ADGRL2: variants seen among roughly 807,000 people sequenced by gnomAD.
The protein encoded by ADGRL2 is calcium-independent alpha-latrotoxin receptor 2.
ADGRL2 carries 44 observed loss-of-function variants against 157.4 expected under a neutral mutation model. The ratio of observed to expected loss-of-function variants is 0.28; its 90% confidence interval spans 0.22 to 0.36. The LOEUF is 0.36. ADGRL2 is among the 10% of genes least tolerant of loss of function. ADGRL2 has a pLI of 1.00. For synonymous variants in ADGRL2, 585 were observed against 624.7 expected, an observed-to-expected ratio of 0.94 and a Z score of 0.95; for missense variants, 1,510 against 1,768.9, an observed-to-expected ratio of 0.85 and a Z score of 2.63.
intron 1 of ADGRL2, among the ~76,000 whole-genome samples, chr1:81,425,408 A>AT (rs886969571): frequency 2.7e-5 from 3 of 111,244 alleles, no homozygotes; most frequent in Admixed American, 9.0e-5. Flanking sequence ...ATTAGAACCA[A>AT]TTAAAAAAAA....
At chr1:81,540,901 G>A (rs1301625363) in intron 2 of ADGRL2, among the ~76,000 whole-genome samples, 1 of 151,856 alleles carries the variant, frequency 6.6e-6, no homozygotes, top group Non-Finnish European at 1.5e-5. Context: ...GAGACAAAGG[G>A]GTGGTAATAA....
intron 1 of ADGRL2, among the ~76,000 whole-genome samples, chr1:81,829,581 A>T (rs2091787338): frequency 6.6e-6 from 1 of 152,182 alleles, no homozygotes; most frequent in Non-Finnish European, 1.5e-5. Context: ...GGTTATTATA[A>T]TATTCCTGTC....
intron 2 of ADGRL2, among the ~76,000 whole-genome samples, chr1:81,787,303 A>C (rs1201886333): frequency 6.6e-6 from 1 of 152,190 alleles, no homozygotes; most frequent in African/African-American, 2.4e-5. Context: ...TATGAAAATA[A>C]TCAAAATCAT....
intron 2 of ADGRL2, among the ~76,000 whole-genome samples, chr1:81,779,245 T>C (rs1571190498): frequency 1.3e-5 from 2 of 152,032 alleles, no homozygotes; most frequent in South Asian, 4.1e-4. Flanking sequence ...CAATCAGTGA[T>C]GGGAAGAATG....
intron 2 of ADGRL2, among the ~76,000 whole-genome samples, chr1:81,897,140 C>T (rs1311814200): frequency 6.6e-6 from 1 of 152,160 alleles, no homozygotes; most frequent in Non-Finnish European, 1.5e-5. Flanking sequence ...GTTCTCCTTT[C>T]CCTGTTTTCA....
intron 2 of ADGRL2, among the ~76,000 whole-genome samples, chr1:81,448,694 C>G (rs1455967551): frequency 6.6e-6 from 1 of 151,800 alleles, no homozygotes; most frequent in East Asian, 1.9e-4. Flanking sequence ...ATTAAAAAAA[C>G]AAAAACAGAC....
intron 4 of ADGRL2, among the ~76,000 whole-genome samples, chr1:81,941,360 A>G (rs1647931068): frequency 6.6e-6 from 1 of 151,516 alleles, no homozygotes; most frequent in South Asian, 2.1e-4. Flanking sequence ...GGGGATATTG[A>G]TATATTCCTA....
rs2092319011 is a variant in ADGRL2, at chr1:81,837,037, G to T, written c.53G>T (p.Ser18Ile). ...AGTCTGTGGTTTATCATTGTAATCA[G>T]CTTCTTACCAAATACAGAAGGTAAG... is the stretch of plus-strand genomic sequence containing the variant. ...MRSLWFIIVI[S>I]FLPNTEGFSR... Residue 18 changes from serine to isoleucine, a missense_variant, in exon 2 of 24, where the codon AGC (serine) becomes ATC (isoleucine). Ser to Ile is a moderately radical substitution (Grantham distance 142). Transcript: ENST00000686636. 1 of 1,589,000 alleles carries T rather than the reference G, an allele frequency of 6.3e-7. No individual in the cohort carries two copies. Among genetic ancestry groups the T allele is most frequent in the African/African-American group, 1.4e-5 (1 of 73,278 alleles).
intron 2 of ADGRL2, among the ~76,000 whole-genome samples, chr1:81,492,607 T>G (rs765448127): frequency 6.6e-6 from 1 of 152,202 alleles, no homozygotes; most frequent in Non-Finnish European, 1.5e-5. Context: ...ATCATCACTG[T>G]GCAATATTTA....
intron 2 of ADGRL2, among the ~76,000 whole-genome samples, chr1:81,890,169 C>G (rs1198638641): frequency 1.3e-5 from 2 of 152,102 alleles, no homozygotes; most frequent in Non-Finnish European, 2.9e-5. Flanking sequence ...AAGGAGGGAG[C>G]TCTTGATCCC....
chr1:81,324,501 C>T (rs956484699), intron 1 of ADGRL2, among the ~76,000 whole-genome samples: 19 of 148,094 alleles, frequency 1.3e-4, no homozygotes, highest in Non-Finnish European at 2.4e-4. Context: ...AGAATGAGAC[C>T]CTGTCTCAAA....
chr1:81,492,371 A>G (rs1373703664), intron 2 of ADGRL2, among the ~76,000 whole-genome samples: 1 of 152,234 alleles, frequency 6.6e-6, no homozygotes, highest in Non-Finnish European at 1.5e-5. Flanking sequence ...AATTCTGCTT[A>G]CTTTTTAAAT....
At chr1:81,611,266 G>A (rs1170507479) in intron 3 of ADGRL2, among the ~76,000 whole-genome samples, 1 of 152,218 alleles carries the variant, frequency 6.6e-6, no homozygotes, top group Admixed American at 6.5e-5. Flanking sequence ...ACAGCCTTCA[G>A]ACACGGAAGA....
intron 1 of ADGRL2, among the ~76,000 whole-genome samples, chr1:81,327,261 G>C (rs1420269334): frequency 6.6e-6 from 1 of 152,154 alleles, no homozygotes; most frequent in East Asian, 1.9e-4. Flanking sequence ...CGGGAGGAAG[G>C]ACATGTGCTA....
chr1:81,514,318 G>GA (rs1330535298), intron 2 of ADGRL2, among the ~76,000 whole-genome samples: 2 of 152,136 alleles, frequency 1.3e-5, no homozygotes, highest in Non-Finnish European at 2.9e-5. Context: ...TACAGCCGCA[G>GA]AAAGAAACCT....
intron 2 of ADGRL2, among the ~76,000 whole-genome samples, chr1:81,457,959 T>A (rs1050159088): frequency 1.3e-5 from 2 of 152,206 alleles, no homozygotes; most frequent in African/African-American, 4.8e-5. Flanking sequence ...AAAATTGGCA[T>A]CCTAACTTCC....
chr1:81,384,995 C>T (rs558079686), intron 1 of ADGRL2, among the ~76,000 whole-genome samples: 2 of 152,168 alleles, frequency 1.3e-5, no homozygotes, highest in South Asian at 4.1e-4. Context: ...GCCACCATAA[C>T]CTTCACAGTT....
At chr1:81,955,496 C>A (rs550697471) in intron 10 of ADGRL2, among the ~76,000 whole-genome samples, 2 of 152,104 alleles carry the variant, frequency 1.3e-5, no homozygotes, top group South Asian at 4.1e-4. Flanking sequence ...TTAGAATATT[C>A]AAGTTTTGAG....
chr1:81,852,088 G>A (rs1222524083), intron 2 of ADGRL2, among the ~76,000 whole-genome samples: 1 of 152,010 alleles, frequency 6.6e-6, no homozygotes, highest in Non-Finnish European at 1.5e-5. Flanking sequence ...ATTCAGCATG[G>A]ATTTGAGGTT....
Sources: gnomAD v4.1 joint callset for allele counts (sites outside exome capture counted in the v4.1 genomes callset) on GRCh38, gnomAD v4.1.1 for gene constraint, MANE v1.5 for transcripts, NCBI Gene and HGNC (gene_info 2026-07-23, HGNC 2026-07-21) for gene names.